The following KIAA1671 variants were observed in gnomAD, a reference collection of about 807,000 sequenced individuals.
KIAA1671 encodes uncharacterized protein KIAA1671.
Under a neutral mutation model 131.2 loss-of-function variants are expected in KIAA1671, and 52 were observed. That is an observed-to-expected ratio of 0.40 (90% CI 0.32 to 0.50). The LOEUF (loss-of-function observed/expected upper bound fraction) is 0.50. Among genes scored for constraint, KIAA1671 ranks in the 20% least tolerant of loss-of-function variants. The probability of loss-of-function intolerance (pLI) is 0.73; values close to 1 mark genes in which losing one functional copy is unlikely to be tolerated. For synonymous variants in KIAA1671, 1,003 were observed against 961.6 expected (o/e 1.04, Z -0.80); for missense variants, 2,360 against 2,364.2 (o/e 1.00, Z 0.04).
rs901824833 is a variant in KIAA1671 at position 25,016,732 on chromosome 22, G to T, written c.-207-8901G>T. Among the ~76,000 whole-genome samples the T allele has an allele frequency of 1.4e-4, 22 of 152,298 alleles. No homozygotes were observed. In the East Asian group the frequency reaches 4.1e-3, roughly 28 times the overall value. ...CTAAGTGAGTATGGGATTTCCTTGG[G>T]GGTGATGAAAATGCTTTGCAACTAC... On this transcript the variant is annotated intron_variant, in intron 1 of 12. Coordinates refer to ENST00000358431, the MANE Select transcript of KIAA1671 (RefSeq NM_001145206.2).
At chr22:25,034,339 C>T (rs987081563) in intron 4 of KIAA1671, among the ~76,000 whole-genome samples, 76 of 152,270 alleles carry the variant, frequency 5.0e-4, no homozygotes, top group African/African-American at 1.8e-3. Context: ...AGCCACCACA[C>T]CCGGCCACGA....
At chr22:25,051,442 CAA>C (rs1011519844) in intron 6 of KIAA1671, 8 of 152,300 alleles carry the variant, frequency 5.3e-5, no homozygotes, top group Non-Finnish European at 7.4e-5. Context: ...TCTATGACCT[CAA>C]GAGTATTTTT....
At chr22:25,169,590 T>C (rs1168392766) in intron 6 of KIAA1671, among the ~76,000 whole-genome samples, 2 of 152,192 alleles carry the variant, frequency 1.3e-5, no homozygotes, top group Non-Finnish European at 2.9e-5. Context: ...CAAGCCTAAG[T>C]GGCAGCCACT....
At chr22:25,024,074 G>C (rs1289576092) in intron 1 of KIAA1671, 1 of 152,326 alleles carries the variant, frequency 6.6e-6, no homozygotes, top group East Asian at 1.9e-4. Flanking sequence ...ATGGTAACTT[G>C]AGAGGCAGTT....
At chr22:25,136,167 C>T (rs1932666040) in intron 6 of KIAA1671, among the ~76,000 whole-genome samples, 1 of 152,218 alleles carries the variant, frequency 6.6e-6, no homozygotes, top group Admixed American at 6.5e-5. Flanking sequence ...GGAGGGAGCT[C>T]ATGTTCCTTA....
At chr22:25,100,494 GC>G in intron 6 of KIAA1671, among the ~76,000 whole-genome samples, 1 of 152,204 alleles carries the variant, frequency 6.6e-6, no homozygotes, top group East Asian at 1.9e-4. Flanking sequence ...ATTCACAGGG[GC>G]AGGGTAGCCC....
chr22:25,096,277 C>T (rs181185636), intron 6 of KIAA1671, among the ~76,000 whole-genome samples: 2 of 152,338 alleles, frequency 1.3e-5, no homozygotes, highest in Admixed American at 6.5e-5. Flanking sequence ...GAGGCTCCTT[C>T]GCCCCACTGG....
At chr22:24,977,399 G>T (rs537940933) in intron 1 of KIAA1671, among the ~76,000 whole-genome samples, 13 of 152,310 alleles carry the variant, frequency 8.5e-5, no homozygotes, top group African/African-American at 2.9e-4. Flanking sequence ...GATAAACCGG[G>T]CTGGAGGCCT....
rs765558092 is a variant in KIAA1671 at position 25,107,469 on chromosome 22, C to CTTTTT, written c.4530+58124_4530+58128dup. On this transcript the variant is annotated intron_variant, in intron 6 of 12. Transcript: ENST00000358431. ...AAAATGTAGCCATCCATCCATGGCACTTTTTTTTTTTTTTTTTTTTTTTGA... is the reference window on the plus strand; with the variant it reads ...AAAATGTAGCCATCCATCCATGGCACTTTTTTTTTTTTTTTTTTTTTTTTTTTTGA... Among the ~76,000 whole-genome samples the CTTTTT allele has an allele frequency of 1.9e-3, 129 of 68,508 alleles. 4 individuals are homozygous for CTTTTT. The highest frequency in any genetic ancestry group is 6.1e-3 in the African/African-American group (100 of 16,380). The allele number at this position is 68,508 out of a possible 152,430, so 44.9% of individuals were successfully genotyped here.
At chr22:25,106,920 T>A (rs1302450477) in intron 6 of KIAA1671, among the ~76,000 whole-genome samples, 2 of 152,248 alleles carry the variant, frequency 1.3e-5, no homozygotes, top group African/African-American at 2.4e-5. Flanking sequence ...AACATTCTTA[T>A]AGCAAAATGT....
intron 6 of KIAA1671, chr22:25,062,818 A>ACCCCTGC: frequency 1.0e-4 from 2 of 19,388 alleles, no homozygotes; most frequent in Middle Eastern, 0.031. Context: ...ACCGGCACCC[A>ACCCCTGC]CCCCCGCCCC....
intron 6 of KIAA1671, among the ~76,000 whole-genome samples, chr22:25,150,076 C>T (rs1932984046): frequency 6.6e-6 from 1 of 152,208 alleles, no homozygotes; most frequent in Non-Finnish European, 1.5e-5. Flanking sequence ...TGAGGCATGT[C>T]AGATCCTTAG....
chr22:25,096,345 C>T (rs1930388394), intron 6 of KIAA1671, among the ~76,000 whole-genome samples: 1 of 152,170 alleles, frequency 6.6e-6, no homozygotes, highest in African/African-American at 2.4e-5. Context: ...CCGAGGGCTG[C>T]CTCTCTGTGC....
intron 11 of KIAA1671, among the ~76,000 whole-genome samples, chr22:25,189,126 C>CTTTTTTTTTTTTTT (rs200226589): frequency 1.0e-3 from 116 of 114,680 alleles, no homozygotes; most frequent in African/African-American, 2.2e-3. Flanking sequence ...CAGTCTTTTT[C>CTTTTTTTTTTTTTT]TTTTTTTTTT....
chr22:25,166,943 T>C (rs1933666338), intron 6 of KIAA1671, among the ~76,000 whole-genome samples: 1 of 152,196 alleles, frequency 6.6e-6, no homozygotes, highest in Non-Finnish European at 1.5e-5. Context: ...GGGACAACGA[T>C]GTCTTGTCCT....
rs139075316 is a variant in KIAA1671 at position 25,092,773 on chromosome 22, A to G, written c.4530+43409A>G. ...CCCGAATAACAGGCGAGTGGTGCCA[A>G]ATTTTACTGCAACAGGGAAAAGAGT... On this transcript the variant is annotated intron_variant, in intron 6 of 12. Transcript: ENST00000358431. 2.6e-3 allele frequency among the ~76,000 whole-genome samples: 400 copies of G among 152,282 alleles called. 2 individuals are homozygous for G. Among genetic ancestry groups the G allele is most frequent in the African/African-American group, 8.8e-3 (366 of 41,556 alleles).
chr22:25,148,112 G>A (rs1330132072), intron 6 of KIAA1671, among the ~76,000 whole-genome samples: 2 of 151,114 alleles, frequency 1.3e-5, no homozygotes, highest in Non-Finnish European at 2.9e-5. Flanking sequence ...GCCAGCTTTG[G>A]CCCTGGGAAG....
At chr22:25,084,150 C>T (rs1929565271) in intron 6 of KIAA1671, among the ~76,000 whole-genome samples, 1 of 152,182 alleles carries the variant, frequency 6.6e-6, no homozygotes, top group Non-Finnish European at 1.5e-5. Flanking sequence ...GCTGCAGAGC[C>T]CCCTCTGTGT....
At chr22:25,070,308 C>T (rs1174937423) in intron 6 of KIAA1671, 10 of 420,472 alleles carry the variant, frequency 2.4e-5, no homozygotes, top group Admixed American at 4.3e-5. Context: ...GAGCCGCTCC[C>T]GCTAGAGGAA....
Sources: allele counts gnomAD v4.1 joint callset (sites outside exome capture counted in the v4.1 genomes callset), GRCh38; gene constraint gnomAD v4.1.1; transcripts MANE v1.5; gene names NCBI Gene and HGNC (gene_info 2026-07-23, HGNC 2026-07-21).